Variants in LYPD6 observed in about 807,000 individuals in gnomAD.
LYPD6 encodes the protein LY6/PLAUR domain containing 6, also known as ly6/PLAUR domain-containing protein 6.
LYPD6 carries 15 observed loss-of-function variants against 22.7 expected under a neutral mutation model. The ratio of observed to expected loss-of-function variants is 0.66; its 90% CI spans 0.44 to 1.02. LYPD6 has a LOEUF of 1.02. Ranked by LOEUF, LYPD6 falls within the 50% of genes least tolerant of loss-of-function variation. The probability of loss-of-function intolerance (pLI) is 0.00; values close to 1 mark genes in which losing one functional copy is unlikely to be tolerated. For missense variants in LYPD6, 189 were observed against 208.4 expected (o/e 0.91, Z 0.57); for synonymous variants, 72 against 77.5 (o/e 0.93, Z 0.37).
chr2:149,420,574 A>G (rs1474186457), intron 1 of LYPD6, among the ~76,000 whole-genome samples: 1 of 152,176 alleles, frequency 6.6e-6, no homozygotes, highest in Non-Finnish European at 1.5e-5. Flanking sequence ...ACTTCCATCA[A>G]GAGGGTGAAA....
chr2:149,409,398 G>A (rs1682803041), intron 1 of LYPD6, among the ~76,000 whole-genome samples: 1 of 152,134 alleles, frequency 6.6e-6, no homozygotes, highest in South Asian at 2.1e-4. Context: ...TCAGGAGGTG[G>A]AGCTTTCAAG....
chr2:149,454,370 A>G (rs905404999), intron 3 of LYPD6, among the ~76,000 whole-genome samples: 2 of 152,198 alleles, frequency 1.3e-5, no homozygotes, highest in South Asian at 2.1e-4. Flanking sequence ...GTGGAGTTGT[A>G]TAGAATGTAC....
chr2:149,385,815 GGGCAGAGAAGGAGAGA>G (rs1682170821), intron 1 of LYPD6, among the ~76,000 whole-genome samples: 1 of 152,118 alleles, frequency 6.6e-6, no homozygotes, highest in African/African-American at 2.4e-5. Context: ...AGAACAAGAG[GGGCAGAGAAGGAGAGA>G]GGCAGAGAAG....
Position 149,417,032 on chromosome 2 carries a change from A to G in LYPD6, c.-71-20606A>G, listed in dbSNP as rs933341153. Among the ~76,000 whole-genome samples, 4 of 152,152 alleles carry G rather than the reference A, an allele frequency of 2.6e-5. No homozygotes were observed. The East Asian group carries it at 5.8e-4, about 22-fold the overall frequency. ...CCAGTCCACAAGCCCCCAGGTAGCAATGCTGGCTGGGGCTCTGCTGGGTGT... is the reference window on the plus strand; with the variant it reads ...CCAGTCCACAAGCCCCCAGGTAGCAGTGCTGGCTGGGGCTCTGCTGGGTGT... On this transcript the variant is annotated intron_variant, in intron 1 of 4. Coordinates refer to ENST00000334166, the MANE Select transcript of LYPD6 (RefSeq NM_194317.5).
At chr2:149,469,923 A>G (rs1175578261) in intron 4 of LYPD6, among the ~76,000 whole-genome samples, 2 of 152,122 alleles carry the variant, frequency 1.3e-5, no homozygotes, top group Admixed American at 1.3e-4. Flanking sequence ...ACTGTATAGA[A>G]TGTTATTAAT....
intron 1 of LYPD6, among the ~76,000 whole-genome samples, chr2:149,422,008 A>G (rs562904366): frequency 6.6e-6 from 1 of 152,200 alleles, no homozygotes. Context: ...TTGACTTCTT[A>G]TAATAGAGCT....
intron 1 of LYPD6, among the ~76,000 whole-genome samples, chr2:149,431,796 A>C (rs1205085087): frequency 6.6e-6 from 1 of 152,204 alleles, no homozygotes; most frequent in Non-Finnish European, 1.5e-5. Flanking sequence ...ACTTTTGTAG[A>C]TCAAAGGACT....
At chr2:149,381,376 A>G (rs1022994521) in intron 1 of LYPD6, among the ~76,000 whole-genome samples, 1 of 152,064 alleles carries the variant, frequency 6.6e-6, no homozygotes, top group Non-Finnish European at 1.5e-5. Flanking sequence ...AGGGAGGAAG[A>G]GATGGGGTCT....
chr2:149,441,897 T>G (rs139660724), intron 2 of LYPD6, among the ~76,000 whole-genome samples: 151 of 152,284 alleles, frequency 9.9e-4, no homozygotes, highest in African/African-American at 3.6e-3. Flanking sequence ...GTTGCATGTT[T>G]TGAATCTTTC....
chr2:149,368,232 C>T (rs1681724071), intron 1 of LYPD6: 1 of 152,284 alleles, frequency 6.6e-6, no homozygotes, highest in Non-Finnish European at 1.5e-5. Context: ...TGGACTTAAC[C>T]TTTGAAGAAA....
rs571926415 is a variant in LYPD6, at chr2:149,347,520, G to A, written c.-72+16798G>A. On this transcript the variant is annotated intron_variant, in intron 1 of 4. Transcript: ENST00000334166. The stretch of plus-strand genomic sequence containing the variant: ...CAAAATGGAATTGATTTGTTAAAGC[G>A]CTTGTTTATTTTAAGAATCAACCTA... 5.9e-5 allele frequency among the ~76,000 whole-genome samples: 9 copies of A among 152,036 alleles called. No individual in the cohort carries two copies. In the South Asian group the frequency reaches 8.3e-4, roughly 14 times the overall value.
intron 1 of LYPD6, among the ~76,000 whole-genome samples, chr2:149,429,448 C>T (rs1461571247): frequency 6.6e-6 from 1 of 152,182 alleles, no homozygotes; most frequent in African/African-American, 2.4e-5. Flanking sequence ...AAATGCTTCC[C>T]CTTCCTTCCC....
At chr2:149,383,757 G>A (rs1028133678) in intron 1 of LYPD6, among the ~76,000 whole-genome samples, 1 of 152,142 alleles carries the variant, frequency 6.6e-6, no homozygotes, top group Non-Finnish European at 1.5e-5. Context: ...ATAATAGTGG[G>A]GATGATTTCC....
chr2:149,350,728 T>G (rs891640379), intron 1 of LYPD6, among the ~76,000 whole-genome samples: 6 of 152,272 alleles, frequency 3.9e-5, no homozygotes, highest in African/African-American at 1.4e-4. Flanking sequence ...TCATTTTAAT[T>G]AAATGCAAGT....
chr2:149,436,872 C>A (rs1170924277), intron 1 of LYPD6, among the ~76,000 whole-genome samples: 1 of 152,064 alleles, frequency 6.6e-6, no homozygotes, highest in Non-Finnish European at 1.5e-5. Context: ...TGAGCCACTA[C>A]GCCCATCCAA....
At chr2:149,422,902 C>G (rs1188638733) in intron 1 of LYPD6, among the ~76,000 whole-genome samples, 1 of 152,180 alleles carries the variant, frequency 6.6e-6, no homozygotes, top group African/African-American at 2.4e-5. Flanking sequence ...ATAATGTCCT[C>G]TAGGTTCATC....
At chr2:149,367,508 G>A (rs965778607) in intron 1 of LYPD6, among the ~76,000 whole-genome samples, 3 of 152,160 alleles carry the variant, frequency 2.0e-5, no homozygotes, top group Admixed American at 6.5e-5. Context: ...GATTACACAA[G>A]CGCATTAACA....
chr2:149,418,608 T>TC (rs1269431086), intron 1 of LYPD6, among the ~76,000 whole-genome samples: 1 of 151,030 alleles, frequency 6.6e-6, no homozygotes, highest in Non-Finnish European at 1.5e-5. Context: ...GCGCTATTTC[T>TC]CAGATACCTG....
intron 1 of LYPD6, among the ~76,000 whole-genome samples, chr2:149,332,335 A>G (rs2105040386): frequency 6.6e-6 from 1 of 152,338 alleles, no homozygotes; most frequent in South Asian, 2.1e-4. Context: ...TTCCAGACCA[A>G]TTAAGACAGA....
Sources: gnomAD v4.1 joint callset for allele counts (sites outside exome capture counted in the v4.1 genomes callset) on GRCh38, gnomAD v4.1.1 for gene constraint, MANE v1.5 for transcripts, NCBI Gene and HGNC (gene_info 2026-07-23, HGNC 2026-07-21) for gene names.